Variants in CEMIP observed in about 807,000 individuals in gnomAD.
CEMIP encodes cell migration-inducing and hyaluronan-binding protein.
CEMIP carries 105 observed loss-of-function variants against 156.9 expected under a neutral mutation model. The observed-to-expected ratio is 0.67, with a 90% CI of 0.57 to 0.79. The LOEUF is 0.79. Among genes scored for constraint, CEMIP ranks in the 30% least tolerant of loss-of-function variants. CEMIP has a pLI of 0.00. For missense variants in CEMIP, 1,457 were observed against 1,769.4 expected, an observed-to-expected ratio of 0.82 and a Z score of 3.17; for synonymous variants, 676 against 668.4, an observed-to-expected ratio of 1.01 and a Z score of -0.17.
At chr15:80,802,885 G>C (rs963591983) in intron 1 of CEMIP, among the ~76,000 whole-genome samples, 1 of 152,190 alleles carries the variant, frequency 6.6e-6, no homozygotes, top group African/African-American at 2.4e-5. Flanking sequence ...GTAAAGGAAT[G>C]GTGAGGACGA....
intron 1 of CEMIP, among the ~76,000 whole-genome samples, chr15:80,813,034 T>C (rs902255154): frequency 6.6e-6 from 1 of 152,238 alleles, no homozygotes; most frequent in African/African-American, 2.4e-5. Flanking sequence ...TGCCATGTTT[T>C]CCCTTTACAA....
At chr15:80,807,605 G>A (rs997907438) in intron 1 of CEMIP, among the ~76,000 whole-genome samples, 1 of 152,194 alleles carries the variant, frequency 6.6e-6, no homozygotes, top group African/African-American at 2.4e-5. Context: ...AGGCCTTGGA[G>A]GCCAGAACAA....
In CEMIP at chr15:80,879,479, A is replaced by G. The variant is rs533383269; in HGVS notation, c.242-237A>G. Among the ~76,000 whole-genome samples, 3 of 152,352 alleles carry G rather than the reference A, an allele frequency of 2.0e-5. No homozygotes were observed. The South Asian group carries it at 6.2e-4, about 32-fold the overall frequency. ...AAATATGCAAATACTATGCCATTTA[A>G]TCAGCGACTGGAGCATCCATGGAGT... On this transcript the variant is annotated intron_variant, in intron 4 of 29. Coordinates refer to ENST00000394685, the MANE Select transcript of CEMIP (RefSeq NM_001293298.2).
intron 12 of CEMIP, 84 bp downstream of exon 12, chr15:80,896,144 G>C: frequency 7.4e-7 from 1 of 1,353,378 alleles, no homozygotes; most frequent in Non-Finnish European, 1.1e-6. Context: ...CAACAAATCT[G>C]TATCAGTCAG....
chr15:80,831,359 G>T (rs1230427342), intron 1 of CEMIP, among the ~76,000 whole-genome samples: 2 of 152,128 alleles, frequency 1.3e-5, no homozygotes, highest in Non-Finnish European at 2.9e-5. Context: ...TGTCTTTCTG[G>T]CAGTGTCTAA....
At chr15:80,873,044 G>T (rs1898350308) in intron 1 of CEMIP, among the ~76,000 whole-genome samples, 1 of 152,118 alleles carries the variant, frequency 6.6e-6, no homozygotes, top group Admixed American at 6.5e-5. Context: ...AGGGAGAGAA[G>T]AAAGTCTCTC....
At chr15:80,783,532 G>A (rs1011726748) in intron 1 of CEMIP, among the ~76,000 whole-genome samples, 1 of 152,236 alleles carries the variant, frequency 6.6e-6, no homozygotes, top group Non-Finnish European at 1.5e-5. Context: ...GAGGCTGGAA[G>A]TGGCAGTGGG....
At chr15:80,793,223 T>C (rs913684331) in intron 1 of CEMIP, among the ~76,000 whole-genome samples, 1 of 152,192 alleles carries the variant, frequency 6.6e-6, no homozygotes, top group African/African-American at 2.4e-5. Flanking sequence ...GTGTAACCTG[T>C]CCAATTATTT....
intron 23 of CEMIP, among the ~76,000 whole-genome samples, 182 bp from the exon 24 acceptor site, chr15:80,936,492 G>A (rs1046897768): frequency 4.6e-5 from 7 of 152,160 alleles, no homozygotes; most frequent in African/African-American, 9.7e-5. Flanking sequence ...CCTGGGCTGC[G>A]TCCATCAGCA....
chr15:80,942,963 C>T lies in CEMIP; in HGVS notation c.3718C>T (p.Pro1240Ser), dbSNP rs1166050812. 5.0e-6 allele frequency: 8 copies of T among 1,614,050 alleles called. No individual in the cohort carries two copies. The highest frequency in any genetic ancestry group is 6.8e-6 in the Non-Finnish European group (8 of 1,180,040). Residue 1240 changes from proline to serine, a missense_variant, in exon 28 of 30, where the codon CCC becomes TCC. Transcript: ENST00000394685. ...TCTGTAGGTGGATGGGAAGAAGTACCCCAGTTCGGAGGATGGCATCCAGGT... is the reference window on the plus strand; with the variant it reads ...TCTGTAGGTGGATGGGAAGAAGTACTCCAGTTCGGAGGATGGCATCCAGGT... ...AYIEVDGKKYPSSEDGIQVVV... is the reference protein window; with the variant it reads ...AYIEVDGKKYSSSEDGIQVVV...
At chr15:80,791,211 A>G (rs1028053228) in intron 1 of CEMIP, among the ~76,000 whole-genome samples, 4 of 152,062 alleles carry the variant, frequency 2.6e-5, no homozygotes, top group African/African-American at 9.7e-5. Flanking sequence ...AAGCTGAGTC[A>G]GGGAGTTCAG....
chr15:80,849,996 A>G (rs535670468), intron 1 of CEMIP, among the ~76,000 whole-genome samples: 1 of 152,298 alleles, frequency 6.6e-6, no homozygotes, highest in South Asian at 2.1e-4. Flanking sequence ...GGTGGTGGGG[A>G]GAGGGCGGCA....
chr15:80,825,341 A>G lies in CEMIP; in HGVS notation c.-176+45727A>G, dbSNP rs775716357. On this transcript the variant is annotated intron_variant, in intron 1 of 29. Transcript: ENST00000394685. ...TTTATAAATGAGGAAACTGAGGCTC[A>G]GCAAGGTTAAATGATGTGTCAAGAA... 2.0e-5 allele frequency among the ~76,000 whole-genome samples: 3 copies of G among 152,268 alleles called. 1 individual carries two copies. The highest frequency in any genetic ancestry group is 7.2e-5 in the African/African-American group (3 of 41,472).
At position 80,939,435 on chromosome 15, in the gene CEMIP, A is replaced by T. The variant is rs1038898623; in HGVS notation, c.3407+1456A>T. Among the ~76,000 whole-genome samples, 2 of 152,222 alleles carry T rather than the reference A, an allele frequency of 1.3e-5. 1 individual carries two copies. Among genetic ancestry groups the T allele is most frequent in the Admixed American group, 1.3e-4 (2 of 15,290 alleles). On this transcript the variant is annotated intron_variant, in intron 25 of 29. Coordinates refer to ENST00000394685, the MANE Select transcript of CEMIP (RefSeq NM_001293298.2). ...AGGAGGAGTGAGATATGCCCCACAT[A>T]CCACTAGGAAATATTATGATTAAAG...
intron 1 of CEMIP, among the ~76,000 whole-genome samples, chr15:80,780,831 T>C (rs1895772595): frequency 6.6e-6 from 1 of 152,094 alleles, no homozygotes; most frequent in Non-Finnish European, 1.5e-5. Context: ...TGGCCCTGGG[T>C]CTCCGGGGAA....
chr15:80,929,217 C>A (rs1420403988), intron 21 of CEMIP, 43 bp downstream of exon 21: 1 of 1,611,926 alleles, frequency 6.2e-7, no homozygotes, highest in Non-Finnish European at 8.5e-7. Flanking sequence ...AGTGGCTTAA[C>A]CTAAGTGGCT....
At chr15:80,859,085 T>G (rs1279061931) in intron 1 of CEMIP, among the ~76,000 whole-genome samples, 1 of 152,228 alleles carries the variant, frequency 6.6e-6, no homozygotes, top group Non-Finnish European at 1.5e-5. Context: ...AATGTCCCTT[T>G]TTTTTGACTT....
At chr15:80,784,463 T>C (rs908660775) in intron 1 of CEMIP, among the ~76,000 whole-genome samples, 1 of 152,176 alleles carries the variant, frequency 6.6e-6, no homozygotes, top group East Asian at 1.9e-4. Context: ...TCTTTATGGC[T>C]GTAAGGTATG....
intron 1 of CEMIP, among the ~76,000 whole-genome samples, chr15:80,832,450 G>A (rs1395700724): frequency 6.6e-6 from 1 of 151,606 alleles, no homozygotes; most frequent in Non-Finnish European, 1.5e-5. Context: ...GGTCAAAACT[G>A]TAGATTTGCA....
Sources: gnomAD v4.1 joint callset for allele counts (sites outside exome capture counted in the v4.1 genomes callset) on GRCh38, gnomAD v4.1.1 for gene constraint, MANE v1.5 for transcripts, NCBI Gene and HGNC (gene_info 2026-07-23, HGNC 2026-07-21) for gene names.